Variants in HLCS observed in about 807,000 individuals in gnomAD.
HLCS encodes holocarboxylase synthetase.
A neutral mutation model predicts 75.0 loss-of-function variants in HLCS; 53 were observed. The observed-to-expected ratio is 0.71, with a 90% CI of 0.57 to 0.89. The LOEUF is 0.89. Among genes scored for constraint, HLCS ranks in the 40% least tolerant of loss-of-function variants. The probability of loss-of-function intolerance (pLI) is 0.00; values close to 1 mark genes in which losing one functional copy is unlikely to be tolerated. For synonymous variants in HLCS, 431 were observed against 428.6 expected (o/e 1.01, Z -0.07); for missense variants, 966 against 1,074.0 (o/e 0.90, Z 1.41).
intron 5 of HLCS, among the ~76,000 whole-genome samples, chr21:36,912,882 T>C (rs1350254508): frequency 6.6e-6 from 1 of 152,124 alleles, no homozygotes; most frequent in Non-Finnish European, 1.5e-5. Context: ...TCCCTGAGTA[T>C]CACTAAGAGA....
chr21:36,897,927 G>T (rs528838810), intron 5 of HLCS, among the ~76,000 whole-genome samples: 2 of 152,224 alleles, frequency 1.3e-5, no homozygotes, highest in South Asian at 4.2e-4. Context: ...ATCTCAAGAG[G>T]CCTGTACAAA....
At position 36,896,877 on chromosome 21, in the gene HLCS, C is replaced by T. The variant is rs776800808; in HGVS notation, c.1875G>A (p.Thr625=). Residue 625 remains threonine (T), a synonymous_variant, in exon 6 of 11, where the codon ACG becomes ACA. Transcript: ENST00000674895. ...VILFAEVTPT[T]MRLLDGLMFQ... The stretch of plus-strand genomic sequence containing the variant: ...CACCTTACCCATCCAGGAGACGCAT[C>T]GTTGTGGGGGTCACTTCGGCAAACA... 5.6e-6 allele frequency: 9 copies of T among 1,614,094 alleles called. No individual in the cohort carries two copies. In the East Asian group the frequency reaches 1.1e-4, roughly 20 times the overall value.
chr21:36,888,955 G>C (rs2064653108), intron 6 of HLCS, among the ~76,000 whole-genome samples: 1 of 151,992 alleles, frequency 6.6e-6, no homozygotes, highest in Non-Finnish European at 1.5e-5. Context: ...CCTCCTTTCT[G>C]CCCAAAGCCC....
At chr21:36,913,870 T>C (rs1348590334) in intron 5 of HLCS, among the ~76,000 whole-genome samples, 6 of 152,186 alleles carry the variant, frequency 3.9e-5, no homozygotes, top group Non-Finnish European at 7.3e-5. Context: ...GGTTTTATCA[T>C]GTAAGTGAGC....
At chr21:36,934,723 G>A (rs893999137) in intron 4 of HLCS, among the ~76,000 whole-genome samples, 7 of 152,074 alleles carry the variant, frequency 4.6e-5, no homozygotes, top group Non-Finnish European at 8.8e-5. Flanking sequence ...CTCTTATTGG[G>A]TTACATCATT....
intron 8 of HLCS, among the ~76,000 whole-genome samples, chr21:36,761,695 A>G (rs2089851421): frequency 6.6e-6 from 1 of 152,134 alleles, no homozygotes; most frequent in South Asian, 2.1e-4. Context: ...TATCAATAGC[A>G]CTGGGCTGAG....
chr21:36,966,440 C>T lies in HLCS; in HGVS notation c.195+4G>A, dbSNP rs897355378. ...CGGGTCGCCCGCCCGCCCGACCCGC[C>T]CACCTGGCTGTCGCTGACGCAGAAG... On this transcript the variant is annotated splice_donor_region_variant and intron_variant, in intron 1 of 10. Transcript: ENST00000674895. 5.0e-5 allele frequency: 48 copies of T among 959,014 alleles called. No individual in the cohort carries two copies. Among genetic ancestry groups the T allele is most frequent in the Non-Finnish European group, 5.7e-5 (46 of 806,428 alleles). 59.4% of individuals were successfully genotyped at this position (959,014 alleles called of 1,614,324 possible). A position where few individuals can be genotyped will look rare whatever the true frequency, so the allele number is the denominator to read the frequency against.
chr21:36,751,275 G>C lies in HLCS; in HGVS notation c.*2971C>G, dbSNP rs1031719506. On this transcript the variant is annotated 3_prime_UTR_variant, in exon 11 of 11. Coordinates refer to ENST00000674895, the MANE Select transcript of HLCS (RefSeq NM_001352514.2). ...GTGATTCTTTTCAGAGACATCCTTT[G>C]AGAAGTTAAAATTGCAGAGGCTTAC... 1.3e-5 allele frequency: 2 copies of C among 152,634 alleles called. No individual in the cohort carries two copies. The highest frequency in any genetic ancestry group is 2.9e-5 in the Non-Finnish European group (2 of 68,030). 9.5% of individuals were successfully genotyped at this position (152,634 alleles called of 1,614,324 possible).
At chr21:36,892,881 C>T (rs967480709) in intron 6 of HLCS, among the ~76,000 whole-genome samples, 4 of 152,130 alleles carry the variant, frequency 2.6e-5, no homozygotes, top group East Asian at 1.9e-4. Flanking sequence ...TACACACAGA[C>T]GAAGAGAGAA....
chr21:36,754,222 G>A lies in HLCS; in HGVS notation c.*24C>T. On this transcript the variant is annotated 3_prime_UTR_variant, in exon 11 of 11. Coordinates refer to ENST00000674895, the MANE Select transcript of HLCS (RefSeq NM_001352514.2). ...CCAGATGCATGGGCACGGACAGGCA[G>A]CCGCGTCTCGGGGACGCCCGGCATT... The A allele has an allele frequency of 6.2e-7, 1 of 1,612,100 alleles. No homozygotes were observed.
At chr21:36,893,326 C>T (rs1452598758) in intron 6 of HLCS, among the ~76,000 whole-genome samples, 1 of 152,162 alleles carries the variant, frequency 6.6e-6, no homozygotes, top group Non-Finnish European at 1.5e-5. Flanking sequence ...CCCACCTCGG[C>T]CTCCCAAAAT....
intron 9 of HLCS, among the ~76,000 whole-genome samples, chr21:36,758,053 T>A (rs959050486): frequency 1.3e-5 from 2 of 152,212 alleles, no homozygotes; most frequent in African/African-American, 4.8e-5. Flanking sequence ...CAATAAAAGC[T>A]ATGGGTTCTC....
At chr21:36,778,815 G>A (rs1001479325) in intron 6 of HLCS, among the ~76,000 whole-genome samples, 6 of 152,142 alleles carry the variant, frequency 3.9e-5, no homozygotes, top group Admixed American at 3.3e-4. Flanking sequence ...TATCTGGCAA[G>A]TGAATGCTCC....
chr21:36,953,113 T>A (rs562846655), intron 2 of HLCS, among the ~76,000 whole-genome samples: 1 of 152,202 alleles, frequency 6.6e-6, no homozygotes, highest in African/African-American at 2.4e-5. Flanking sequence ...GTATTTTTTT[T>A]AATTTACTAA....
At position 36,762,260 on chromosome 21, in the gene HLCS, G is replaced by T. The variant is rs970507376; in HGVS notation, c.2122-2419C>A. 2.0e-5 allele frequency among the ~76,000 whole-genome samples: 3 copies of T among 152,246 alleles called. No homozygotes were observed. In the South Asian group the frequency reaches 6.2e-4, roughly 32 times the overall value. On this transcript the variant is annotated intron_variant, in intron 8 of 10. Coordinates refer to ENST00000674895, the MANE Select transcript of HLCS (RefSeq NM_001352514.2). The stretch of plus-strand genomic sequence containing the variant: ...ATGGCAAGTGCTGGACAGTGCTGGA[G>T]GAAAGAGCTGGAAGTAGCTGGAGGG...
intron 6 of HLCS, among the ~76,000 whole-genome samples, chr21:36,875,510 C>G (rs926452062): frequency 2.0e-5 from 3 of 152,204 alleles, no homozygotes; most frequent in African/African-American, 7.2e-5. Context: ...CACCATGGGT[C>G]TCCTCTTCGC....
chr21:36,837,115 G>A (rs3787763), intron 6 of HLCS, among the ~76,000 whole-genome samples: 18,151 of 152,112 alleles, frequency 0.12, 1,889 homozygotes, highest in African/African-American at 0.27. Context: ...CCTGGGAGGC[G>A]GAGGTTGCAG....
intron 5 of HLCS, among the ~76,000 whole-genome samples, chr21:36,906,269 C>T (rs547013705): frequency 6.6e-6 from 1 of 152,124 alleles, no homozygotes; most frequent in Non-Finnish European, 1.5e-5. Context: ...AACTCATACT[C>T]GTAATCCCAG....
In HLCS at chr21:36,751,319, T is replaced by C. The variant is rs1376957844; in HGVS notation, c.*2927A>G. 2 of 152,684 alleles carry C rather than the reference T, an allele frequency of 1.3e-5. No individual in the cohort carries two copies. The highest frequency in any genetic ancestry group is 6.5e-5 in the Admixed American group (1 of 15,290). The allele number at this position is 152,684 out of a possible 1,614,324, so 9.5% of individuals were successfully genotyped here. ...GGCTTACGCTTTCTTTTATTTCAAA[T>C]ATGCATAGTGATTAACCAGGAATAA... On this transcript the variant is annotated 3_prime_UTR_variant, in exon 11 of 11. Coordinates refer to ENST00000674895, the MANE Select transcript of HLCS (RefSeq NM_001352514.2).
Sources: gnomAD v4.1 joint callset for allele counts (sites outside exome capture counted in the v4.1 genomes callset) on GRCh38, gnomAD v4.1.1 for gene constraint, MANE v1.5 for transcripts, NCBI Gene and HGNC (gene_info 2026-07-23, HGNC 2026-07-21) for gene names.